The following CEP350 variants were observed in gnomAD, a reference collection of about 807,000 sequenced individuals.
CEP350 encodes centrosomal protein 350.
CEP350 carries 126 observed loss-of-function variants against 331.8 expected under a neutral mutation model. That is an observed-to-expected ratio of 0.38 (90% CI 0.33 to 0.44). The LOEUF (loss-of-function observed/expected upper bound fraction) is 0.44. Ranked by LOEUF, CEP350 falls within the 20% of genes least tolerant of loss-of-function variation. The pLI is 1.00. For missense variants in CEP350, 3,406 were observed against 3,634.6 expected, an observed-to-expected ratio of 0.94 and a Z score of 1.62; for synonymous variants, 1,200 against 1,259.5, an observed-to-expected ratio of 0.95 and a Z score of 1.00.
chr1:179,993,926 C>T (rs1653282163), intron 5 of CEP350, among the ~76,000 whole-genome samples: 1 of 152,188 alleles, frequency 6.6e-6, no homozygotes. Flanking sequence ...CCTCTCTGCT[C>T]CCAAAGTACT....
At position 180,093,498 on chromosome 1, in the gene CEP350, A is replaced by T. The variant is rs1201042969; in HGVS notation, c.7393A>T (p.Met2465Leu). 1.2e-6 allele frequency: 2 copies of T among 1,612,082 alleles called. No individual in the cohort carries two copies. The highest frequency in any genetic ancestry group is 1.7e-6 in the Non-Finnish European group (2 of 1,178,826). Residue 2465 changes from methionine (M) to leucine (L), a missense_variant, in exon 34 of 38, where the codon ATG (methionine) becomes TTG (leucine). Physicochemically the swap from Met to Leu is conservative, Grantham distance 15 (BLOSUM62 2). Around this residue, in one of 5 missense-constraint regions of CEP350, gnomAD observed 1,415 missense variants for 1,512.3 expected, o/e 0.94. Coordinates refer to ENST00000367607, the MANE Select transcript of CEP350 (RefSeq NM_014810.5). ...LLELKSPTEL[M>L]KSKERSDVEH... ...GGAACTCAAGTCCCCTACTGAGCTG[A>T]TGAAAAGTAAGGAGCGCAGTGATGT...
At position 180,093,198 on chromosome 1, in the gene CEP350, G is replaced by A; in HGVS notation, c.7093G>A (p.Glu2365Lys). The change falls in exon 34 of 38, where the codon GAA (glutamate) becomes AAA (lysine). Residue 2365 changes from glutamate to lysine, a missense_variant. Transcript: ENST00000367607. ...NTKEKDLSWS[E>K]HLFAPKEIPY... ...AAAGGAAAAAGATTTGTCTTGGTCA[G>A]AACATCTTTTTGCTCCTAAAGAGAT... 3 of 1,600,450 alleles carry A rather than the reference G, an allele frequency of 1.9e-6. No homozygotes were observed. The highest frequency in any genetic ancestry group is 1.7e-6 in the Non-Finnish European group (2 of 1,172,624).
chr1:180,039,465 G>A (rs914892973), intron 17 of CEP350, among the ~76,000 whole-genome samples: 2 of 152,122 alleles, frequency 1.3e-5, no homozygotes, highest in African/African-American at 4.8e-5. Context: ...TTGATGTGAG[G>A]AAGAGAGTCA....
chr1:180,107,661 C>T (rs905417353), intron 37 of CEP350, among the ~76,000 whole-genome samples: 1 of 152,150 alleles, frequency 6.6e-6, no homozygotes, highest in African/African-American at 2.4e-5. Context: ...GAGCGAGACT[C>T]CCGTCTCAAA....
chr1:180,052,641 T>G (rs1657586429), intron 22 of CEP350, among the ~76,000 whole-genome samples: 1 of 152,206 alleles, frequency 6.6e-6, no homozygotes, highest in Non-Finnish European at 1.5e-5. Context: ...ACTTTTACTA[T>G]TTATATTTCC....
intron 15 of CEP350, among the ~76,000 whole-genome samples, chr1:180,031,919 G>A (rs1656048927): frequency 6.6e-6 from 1 of 151,996 alleles, no homozygotes; most frequent in South Asian, 2.1e-4. Context: ...CATTTCTTTT[G>A]TCTATAAATG....
At chr1:179,998,483 T>C (rs574071854) in intron 6 of CEP350, among the ~76,000 whole-genome samples, 2 of 151,982 alleles carry the variant, frequency 1.3e-5, no homozygotes, top group South Asian at 4.2e-4. Flanking sequence ...TTTTTGTATT[T>C]TTAGTAGAGA....
At chr1:180,082,596 C>G (rs572342656) in intron 30 of CEP350, among the ~76,000 whole-genome samples, 125 of 152,130 alleles carry the variant, frequency 8.2e-4, no homozygotes, top group African/African-American at 2.9e-3. Context: ...ATTACAGGCA[C>G]GAACCAGTGC....
intron 37 of CEP350, among the ~76,000 whole-genome samples, chr1:180,107,830 AAAAACAAAACAAAAC>A (rs59243464): frequency 6.7e-6 from 1 of 150,302 alleles, no homozygotes; most frequent in African/African-American, 2.4e-5. Flanking sequence ...CTGCTCCCAA[AAAAACAAAACAAAAC>A]AAAACAAAAC....
chr1:180,059,078 G>A (rs1658042006), intron 25 of CEP350, among the ~76,000 whole-genome samples: 1 of 152,136 alleles, frequency 6.6e-6, no homozygotes, highest in Admixed American at 6.6e-5. Context: ...TCTTACAAGA[G>A]GGACAAACCT....
intron 27 of CEP350, among the ~76,000 whole-genome samples, chr1:180,071,897 C>T (rs1296426219): frequency 6.6e-6 from 1 of 152,168 alleles, no homozygotes; most frequent in African/African-American, 2.4e-5. Flanking sequence ...GTCCAGTGTT[C>T]CGTTACCATC....
At chr1:180,100,356 A>G (rs1035647363) in intron 37 of CEP350, among the ~76,000 whole-genome samples, 1 of 152,228 alleles carries the variant, frequency 6.6e-6, no homozygotes, top group African/African-American at 2.4e-5. Context: ...TTGTTCTCCT[A>G]TTTCTATCAT....
intron 8 of CEP350, among the ~76,000 whole-genome samples, chr1:180,007,669 A>C (rs1654348407): frequency 6.6e-6 from 1 of 152,072 alleles, no homozygotes; most frequent in Non-Finnish European, 1.5e-5. Flanking sequence ...TTAGTCATGA[A>C]GTCTTTGCCC....
chr1:180,048,242 C>T (rs1401361572), intron 21 of CEP350, among the ~76,000 whole-genome samples: 1 of 152,026 alleles, frequency 6.6e-6, no homozygotes, highest in Non-Finnish European at 1.5e-5. Context: ...GTAGTAGCTC[C>T]CTTTCCCAGA....
At chr1:179,979,166 A>G (rs1042348705) in intron 1 of CEP350, among the ~76,000 whole-genome samples, 1 of 152,152 alleles carries the variant, frequency 6.6e-6, no homozygotes, top group Non-Finnish European at 1.5e-5. Flanking sequence ...TAGTGGATAT[A>G]CTAGTTTACA....
Position 180,092,770 on chromosome 1 carries a change from C to A in CEP350, c.6665C>A (p.Ser2222Tyr). 6.3e-7 allele frequency: 1 copy of A among 1,588,112 alleles called. No homozygotes were observed. The highest frequency in any genetic ancestry group is 2.3e-5 in the East Asian group (1 of 44,154). ...SRKIREESGDSLENVPALHLL... is the reference protein window; with the variant it reads ...SRKIREESGDYLENVPALHLL... The stretch of plus-strand genomic sequence containing the variant: ...AAAATCAGAGAAGAATCTGGAGATT[C>A]TCTAGAAAATGTACCTGCATTACAT... The change falls in exon 34 of 38, where the codon TCT becomes TAT. Residue 2222 changes from serine (S) to tyrosine (Y), a missense_variant. Coordinates refer to ENST00000367607, the MANE Select transcript of CEP350 (RefSeq NM_014810.5).
chr1:180,015,214 A>G (rs137994855), intron 10 of CEP350, among the ~76,000 whole-genome samples: 2,519 of 78,008 alleles, frequency 0.032, 82 homozygotes, highest in African/African-American at 0.1. Context: ...GAAATTGTTT[A>G]TTTATTTATT....
intron 27 of CEP350, among the ~76,000 whole-genome samples, chr1:180,071,078 T>C (rs925227759): frequency 1.6e-5 from 2 of 126,014 alleles, no homozygotes; most frequent in African/African-American, 3.1e-5. Context: ...AACCAGGGAG[T>C]TGGAGGTTGC....
chr1:180,000,157 T>C (rs1653763530), intron 6 of CEP350, among the ~76,000 whole-genome samples: 1 of 152,192 alleles, frequency 6.6e-6, no homozygotes. Context: ...GAAACTGATG[T>C]AGATAGTGAA....
Sources: allele counts gnomAD v4.1 joint callset (sites outside exome capture counted in the v4.1 genomes callset), GRCh38; gene constraint gnomAD v4.1.1; regional missense constraint gnomAD v4.1.1; transcripts MANE v1.5; gene names NCBI Gene and HGNC (gene_info 2026-07-23, HGNC 2026-07-21).